LRBA: variants seen among roughly 807,000 people sequenced by gnomAD.
LRBA encodes the protein lipopolysaccharide-responsive and beige-like anchor protein.
A neutral mutation model predicts 330.0 loss-of-function variants in LRBA; 176 were observed. The observed-to-expected ratio is 0.53, with a 90% CI of 0.47 to 0.60. The LOEUF is 0.60. Ranked by LOEUF, LRBA falls within the 20% of genes least tolerant of loss-of-function variation. LRBA has a pLI of 0.00. For synonymous variants in LRBA, 1,230 were observed against 1,193.0 expected, an observed-to-expected ratio of 1.03 and a Z score of -0.64; for missense variants, 3,259 against 3,444.8, an observed-to-expected ratio of 0.95 and a Z score of 1.35.
intron 2 of LRBA, among the ~76,000 whole-genome samples, chr4:151,012,141 C>T (rs1744931802): frequency 1.3e-5 from 2 of 151,958 alleles, no homozygotes; most frequent in Non-Finnish European, 2.9e-5. Flanking sequence ...ACTAACTGAA[C>T]AGACTCTTCT....
intron 17 of LRBA, among the ~76,000 whole-genome samples, chr4:150,882,103 C>T (rs968117404): frequency 6.6e-6 from 1 of 151,614 alleles, no homozygotes; most frequent in East Asian, 1.9e-4. Context: ...AAAAAAATCA[C>T]AATAATTTTT....
At chr4:150,371,197 T>TC in intron 47 of LRBA, among the ~76,000 whole-genome samples, 1 of 136,314 alleles carries the variant, frequency 7.3e-6, no homozygotes, top group African/African-American at 2.8e-5. Flanking sequence ...TTTTTTTTTT[T>TC]TTTTTTTTTT....
chr4:150,676,456 C>T (rs2126886795), intron 37 of LRBA, among the ~76,000 whole-genome samples: 1 of 152,222 alleles, frequency 6.6e-6, no homozygotes, highest in African/African-American at 2.4e-5. Flanking sequence ...AAGTGGTATA[C>T]AGCCAGTACT....
chr4:150,841,876 T>C (rs1335539353), intron 28 of LRBA, among the ~76,000 whole-genome samples: 1 of 152,040 alleles, frequency 6.6e-6, no homozygotes, highest in East Asian at 1.9e-4. Context: ...CAGGATGGTC[T>C]CCATCTCCTG....
In LRBA at chr4:150,915,733, G is replaced by C. The variant is rs1190597087; in HGVS notation, c.895-6C>G. 1 of 1,578,460 alleles carries C rather than the reference G, an allele frequency of 6.3e-7. No individual in the cohort carries two copies. Among genetic ancestry groups the C allele is most frequent in the Non-Finnish European group, 8.6e-7 (1 of 1,165,934 alleles). On this transcript the variant is annotated splice_region_variant and splice_polypyrimidine_tract_variant and intron_variant, in intron 7 of 56. Coordinates refer to ENST00000651943, the MANE Select transcript of LRBA (RefSeq NM_001364905.1). ...ACTATGGTAACCATATACCACTGCA[G>C]AAGCAAAAAACAGTTAAAAATACAA...
At chr4:150,779,801 C>T (rs1434510165) in intron 34 of LRBA, among the ~76,000 whole-genome samples, 3 of 152,014 alleles carry the variant, frequency 2.0e-5, no homozygotes, top group African/African-American at 7.2e-5. Context: ...GTAATTACAA[C>T]CTCAATCCAT....
intron 22 of LRBA, among the ~76,000 whole-genome samples, chr4:150,857,244 C>T (rs1390001267): frequency 6.6e-6 from 1 of 151,948 alleles, no homozygotes; most frequent in East Asian, 1.9e-4. Flanking sequence ...TGATTGCCAC[C>T]ACATTAATGA....
chr4:150,573,151 G>C (rs1015325910), intron 40 of LRBA, among the ~76,000 whole-genome samples: 3 of 152,092 alleles, frequency 2.0e-5, no homozygotes, highest in African/African-American at 7.2e-5. Context: ...CCTCAGCACT[G>C]AGCCAGGAAA....
At chr4:150,835,045 C>T (rs1395779834) in intron 28 of LRBA, among the ~76,000 whole-genome samples, 1 of 152,138 alleles carries the variant, frequency 6.6e-6, no homozygotes, top group Non-Finnish European at 1.5e-5. Context: ...TTCCCAGCAC[C>T]ATTTATTAAA....
At chr4:150,807,018 A>G (rs1490719169) in intron 32 of LRBA, among the ~76,000 whole-genome samples, 2 of 150,760 alleles carry the variant, frequency 1.3e-5, no homozygotes, top group African/African-American at 2.4e-5. Context: ...AAATGTACCT[A>G]TAAATATATA....
At chr4:150,755,275 T>C (rs1734141088) in intron 35 of LRBA, among the ~76,000 whole-genome samples, 1 of 152,208 alleles carries the variant, frequency 6.6e-6, no homozygotes, top group South Asian at 2.1e-4. Flanking sequence ...TGTGGGCTAT[T>C]TATATATTTG....
chr4:150,419,308 T>C (rs79527421), intron 46 of LRBA, among the ~76,000 whole-genome samples: 25 of 152,258 alleles, frequency 1.6e-4, no homozygotes, highest in African/African-American at 5.8e-4. Flanking sequence ...TAACAGTAAC[T>C]TGGTATAATC....
chr4:150,865,381 G>GA (rs1407013699), intron 22 of LRBA, among the ~76,000 whole-genome samples: 1 of 152,170 alleles, frequency 6.6e-6, no homozygotes, highest in African/African-American at 2.4e-5. Flanking sequence ...CTTATAGTGT[G>GA]AAAGTAGCCA....
At chr4:150,440,193 C>T (rs571773045) in intron 44 of LRBA, among the ~76,000 whole-genome samples, 1 of 151,882 alleles carries the variant, frequency 6.6e-6, no homozygotes, top group Non-Finnish European at 1.5e-5. Flanking sequence ...AAATACTGGC[C>T]ATTAAAAATG....
intron 43 of LRBA, among the ~76,000 whole-genome samples, chr4:150,471,422 T>A (rs1042908105): frequency 3.3e-5 from 5 of 152,214 alleles, no homozygotes; most frequent in African/African-American, 1.2e-4. Context: ...TGCTCTAGAA[T>A]CATGTAAACA....
At chr4:150,941,158 A>AATAT (rs905455588) in intron 2 of LRBA, among the ~76,000 whole-genome samples, 1 of 151,422 alleles carries the variant, frequency 6.6e-6, no homozygotes, top group Non-Finnish European at 1.5e-5. Flanking sequence ...ATGACTTAAA[A>AATAT]ATATATATAT....
intron 35 of LRBA, among the ~76,000 whole-genome samples, chr4:150,749,830 T>C (rs1264322701): frequency 6.6e-6 from 1 of 152,138 alleles, no homozygotes; most frequent in East Asian, 1.9e-4. Context: ...AAAACTCTGC[T>C]CTTACTGAAT....
chr4:150,509,230 A>G (rs927029841), intron 40 of LRBA, among the ~76,000 whole-genome samples: 1 of 152,122 alleles, frequency 6.6e-6, no homozygotes, highest in Non-Finnish European at 1.5e-5. Flanking sequence ...TTTTCAATTA[A>G]TAAGAAAATT....
intron 42 of LRBA, among the ~76,000 whole-genome samples, chr4:150,478,501 T>G (rs1756957790): frequency 6.6e-6 from 1 of 152,206 alleles, no homozygotes; most frequent in Admixed American, 6.5e-5. Flanking sequence ...CTGAGTCTTA[T>G]AAATTATATT....
Sources: allele counts gnomAD v4.1 joint callset (sites outside exome capture counted in the v4.1 genomes callset), GRCh38; gene constraint gnomAD v4.1.1; transcripts MANE v1.5; gene names NCBI Gene and HGNC (gene_info 2026-07-23, HGNC 2026-07-21).